The following TPST1 variants were observed in gnomAD, a reference collection of about 807,000 sequenced individuals.
TPST1 encodes the protein tyrosylprotein sulfotransferase 1.
Under a neutral mutation model 34.8 loss-of-function variants are expected in TPST1, and 20 were observed. The observed-to-expected ratio is 0.57, with a 90% CI of 0.40 to 0.84. The LOEUF is 0.84. Ranked by LOEUF, TPST1 falls within the 40% of genes least tolerant of loss-of-function variation. The pLI, the probability that TPST1 is intolerant of heterozygous loss-of-function variation, is 0.00. For missense variants in TPST1, 353 were observed against 455.5 expected, an observed-to-expected ratio of 0.78 and a Z score of 2.05; for synonymous variants, 152 against 159.4, an observed-to-expected ratio of 0.95 and a Z score of 0.35.
intron 2 of TPST1, among the ~76,000 whole-genome samples, chr7:66,253,115 G>A (rs1562816139): frequency 1.3e-5 from 2 of 152,152 alleles, no homozygotes; most frequent in Non-Finnish European, 1.5e-5. Context: ...TTGAATCTAC[G>A]TGAATGAAGT....
intron 2 of TPST1, among the ~76,000 whole-genome samples, chr7:66,278,129 A>AAAAG: frequency 6.8e-6 from 1 of 147,128 alleles, no homozygotes. Flanking sequence ...AAAAAAAAAA[A>AAAAG]TTGCAGAAAT....
At position 66,284,551 on chromosome 7, in the gene TPST1, CTT is replaced by C. The variant is rs5884585; in HGVS notation, c.846-1939_846-1938del. 4.3e-3 allele frequency among the ~76,000 whole-genome samples: 333 copies of C among 77,060 alleles called. 2 individuals are homozygous for C. Among genetic ancestry groups the C allele is most frequent in the African/African-American group, 0.011 (210 of 18,650 alleles). The allele number at this position is 77,060 out of a possible 152,430, so 50.6% of individuals were successfully genotyped here. A position where few individuals can be genotyped will look rare whatever the true frequency, so the allele number is the denominator to read the frequency against. On this transcript the variant is annotated intron_variant, in intron 2 of 5. Coordinates refer to ENST00000304842, the MANE Select transcript of TPST1 (RefSeq NM_003596.4). The stretch of plus-strand genomic sequence containing the variant: ...CTTATCTAATTGGCCACTGTCTTAG[CTT>C]TTTTTTTTTTTTTTTTTTTTAAAGA...
intron 3 of TPST1, among the ~76,000 whole-genome samples, chr7:66,335,300 A>G (rs1173453533): frequency 1.3e-5 from 2 of 152,080 alleles, no homozygotes; most frequent in African/African-American, 4.8e-5. Context: ...TACCACAAAA[A>G]CAAAAGTTAG....
rs536482866 is a variant in TPST1 at position 66,235,274 on chromosome 7, C to T, written c.-101-5051C>T. 2.1e-3 allele frequency among the ~76,000 whole-genome samples: 323 copies of T among 151,770 alleles called. 2 individuals carry two copies. Among genetic ancestry groups the T allele is most frequent in the African/African-American group, 7.6e-3 (316 of 41,370 alleles). ...GAACTCGGCTCGCTGCAAGCTCCGCCTCCCGGGTTCACGTCACGCCATTCT... is the reference window on the plus strand; with the variant it reads ...GAACTCGGCTCGCTGCAAGCTCCGCTTCCCGGGTTCACGTCACGCCATTCT... On this transcript the variant is annotated intron_variant, in intron 1 of 5. Coordinates refer to ENST00000304842, the MANE Select transcript of TPST1 (RefSeq NM_003596.4).
chr7:66,336,044 C>T (rs2116301019), intron 3 of TPST1, among the ~76,000 whole-genome samples: 1 of 152,348 alleles, frequency 6.6e-6, no homozygotes, highest in South Asian at 2.1e-4. Context: ...GGCATGGTGG[C>T]TTACGCCTGT....
chr7:66,320,597 CAT>C (rs1342885373), intron 3 of TPST1, among the ~76,000 whole-genome samples: 2 of 150,242 alleles, frequency 1.3e-5, no homozygotes, highest in Non-Finnish European at 3.0e-5. Context: ...TGCATGTAGT[CAT>C]AGTTTTTTTT....
At chr7:66,222,082 G>A (rs907572750) in intron 1 of TPST1, among the ~76,000 whole-genome samples, 5 of 152,130 alleles carry the variant, frequency 3.3e-5, no homozygotes, top group South Asian at 2.1e-4. Context: ...TTACCTATTC[G>A]TCTATAAATT....
At chr7:66,322,879 G>T (rs556455146) in intron 3 of TPST1, among the ~76,000 whole-genome samples, 2 of 106,040 alleles carry the variant, frequency 1.9e-5, no homozygotes, top group Admixed American at 9.1e-5. Context: ...GTGCACAAAG[G>T]TTCCAGTTTT....
intron 3 of TPST1, among the ~76,000 whole-genome samples, chr7:66,297,916 A>C (rs541167299): frequency 1.3e-5 from 2 of 152,300 alleles, no homozygotes; most frequent in African/African-American, 4.8e-5. Flanking sequence ...TCCTCACTTA[A>C]AATTCATGAA....
chr7:66,233,837 C>T (rs1277471223), intron 1 of TPST1, among the ~76,000 whole-genome samples: 1 of 152,192 alleles, frequency 6.6e-6, no homozygotes, highest in Non-Finnish European at 1.5e-5. Context: ...TGGTCACTGC[C>T]TTGCAGCTTC....
At chr7:66,226,280 G>C (rs906247688) in intron 1 of TPST1, among the ~76,000 whole-genome samples, 3 of 151,996 alleles carry the variant, frequency 2.0e-5, no homozygotes, top group African/African-American at 7.3e-5. Context: ...CAAATCTCTG[G>C]GCTTCAGGCA....
chr7:66,258,820 G>C (rs1291958589), intron 2 of TPST1, among the ~76,000 whole-genome samples: 1 of 152,206 alleles, frequency 6.6e-6, no homozygotes, highest in Non-Finnish European at 1.5e-5. Flanking sequence ...GTTTTGCCCA[G>C]AGTTTTTGCT....
chr7:66,328,906 A>ATATATATATATT (rs1299138303), intron 3 of TPST1, among the ~76,000 whole-genome samples: 7 of 13,150 alleles, frequency 5.3e-4, no homozygotes, highest in Non-Finnish European at 8.2e-4. Flanking sequence ...ATATATATAT[A>ATATATATATATT]TTTTTTTTTT....
At chr7:66,294,419 T>C (rs891175351) in intron 3 of TPST1, among the ~76,000 whole-genome samples, 1 of 152,190 alleles carries the variant, frequency 6.6e-6, no homozygotes, top group Admixed American at 6.5e-5. Context: ...ATTGACAAAT[T>C]TATGCCACAT....
At chr7:66,328,332 A>G (rs1046194160) in intron 3 of TPST1, among the ~76,000 whole-genome samples, 15 of 151,652 alleles carry the variant, frequency 9.9e-5, no homozygotes, top group African/African-American at 2.2e-4. Flanking sequence ...TGGCCCTATC[A>G]TACATTTTGG....
intron 3 of TPST1, among the ~76,000 whole-genome samples, chr7:66,302,519 C>G (rs1022897110): frequency 1.3e-5 from 2 of 152,128 alleles, no homozygotes; most frequent in Non-Finnish European, 2.9e-5. Flanking sequence ...TGTTTTTACA[C>G]TTGGGACTCT....
intron 2 of TPST1, among the ~76,000 whole-genome samples, chr7:66,264,499 A>C (rs1431882166): frequency 6.6e-6 from 1 of 152,224 alleles, no homozygotes; most frequent in African/African-American, 2.4e-5. Context: ...CCTTCTGCAA[A>C]GACAGACAGG....
intron 3 of TPST1, among the ~76,000 whole-genome samples, chr7:66,328,902 ATATATTT>A (rs1791935533): frequency 1.0e-4 from 4 of 38,576 alleles, no homozygotes; most frequent in East Asian, 5.9e-4. Flanking sequence ...ATATATATAT[ATATATTT>A]TTTTTTTTTT....
intron 2 of TPST1, among the ~76,000 whole-genome samples, chr7:66,276,385 T>TATATATATA (rs1431495136): frequency 7.3e-5 from 10 of 137,670 alleles, no homozygotes; most frequent in South Asian, 2.2e-4. Flanking sequence ...TATATATGTA[T>TATATATATA]TTTTTTGAGG....
Sources: allele counts gnomAD v4.1 joint callset (sites outside exome capture counted in the v4.1 genomes callset), GRCh38; gene constraint gnomAD v4.1.1; transcripts MANE v1.5; gene names NCBI Gene and HGNC (gene_info 2026-07-23, HGNC 2026-07-21).